Variants in ARHGAP24 observed in about 807,000 individuals in gnomAD.
ARHGAP24 encodes the protein rho GTPase-activating protein 24.
In ARHGAP24, 50 loss-of-function variants were observed where a neutral mutation model predicts 76.4. The ratio of observed to expected loss-of-function variants is 0.65; its 90% CI spans 0.52 to 0.83. ARHGAP24 has a LOEUF of 0.83. ARHGAP24 is among the 40% of genes least tolerant of loss of function. The pLI is 0.00. For missense variants in ARHGAP24, 930 were observed against 914.2 expected, an observed-to-expected ratio of 1.02 and a Z score of -0.22; for synonymous variants, 345 against 323.3, an observed-to-expected ratio of 1.07 and a Z score of -0.72.
At chr4:85,940,153 T>A (rs138169719) in intron 4 of ARHGAP24, among the ~76,000 whole-genome samples, 35 of 152,206 alleles carry the variant, frequency 2.3e-4, no homozygotes, top group African/African-American at 7.0e-4. Context: ...GTTACTACCA[T>A]TGAATGGATT....
chr4:85,580,597 G>A (rs1489293335), intron 2 of ARHGAP24, among the ~76,000 whole-genome samples: 1 of 152,008 alleles, frequency 6.6e-6, no homozygotes, highest in South Asian at 2.1e-4. Flanking sequence ...TTTGCTCTAC[G>A]AACTTTTTCC....
At chr4:85,764,740 C>T (rs946098332) in intron 3 of ARHGAP24, among the ~76,000 whole-genome samples, 3 of 152,052 alleles carry the variant, frequency 2.0e-5, no homozygotes, top group African/African-American at 7.2e-5. Flanking sequence ...TCTGAATGCT[C>T]ACAAGGAAAG....
chr4:85,979,627 A>G (rs1225633466), intron 8 of ARHGAP24, among the ~76,000 whole-genome samples: 1 of 152,168 alleles, frequency 6.6e-6, no homozygotes, highest in South Asian at 2.1e-4. Flanking sequence ...AGGTTCATCC[A>G]TGTGGCAATA....
At chr4:85,815,584 G>C (rs1445209607) in intron 3 of ARHGAP24, among the ~76,000 whole-genome samples, 1 of 152,144 alleles carries the variant, frequency 6.6e-6, no homozygotes, top group Non-Finnish European at 1.5e-5. Flanking sequence ...TTCCATCTGA[G>C]ACCACCTCAG....
intron 2 of ARHGAP24, among the ~76,000 whole-genome samples, chr4:85,618,824 ATTTG>A (rs570773358): frequency 2.7e-3 from 406 of 151,974 alleles, no homozygotes; most frequent in African/African-American, 9.0e-3. Context: ...TAATTGAGTA[ATTTG>A]TTTTCTTTCT....
chr4:85,679,373 G>A (rs1688338079), intron 2 of ARHGAP24, among the ~76,000 whole-genome samples: 1 of 152,166 alleles, frequency 6.6e-6, no homozygotes, highest in Non-Finnish European at 1.5e-5. Flanking sequence ...CAGATTTGCA[G>A]GGCTACTTCT....
chr4:85,546,111 G>A (rs1338915290), intron 1 of ARHGAP24, among the ~76,000 whole-genome samples: 2 of 151,892 alleles, frequency 1.3e-5, no homozygotes, highest in Non-Finnish European at 2.9e-5. Flanking sequence ...TACTTCATAG[G>A]GTTATTATGA....
intron 1 of ARHGAP24, among the ~76,000 whole-genome samples, chr4:85,505,975 A>G (rs925188802): frequency 3.9e-5 from 6 of 152,210 alleles, no homozygotes; most frequent in African/African-American, 1.4e-4. Context: ...TCTAGCAGTC[A>G]GGTCCCTCAG....
intron 2 of ARHGAP24, among the ~76,000 whole-genome samples, chr4:85,642,177 A>G (rs1200405602): frequency 6.6e-6 from 1 of 152,162 alleles, no homozygotes; most frequent in Non-Finnish European, 1.5e-5. Context: ...CCTTGGAAAG[A>G]AAAAGAGCAG....
intron 5 of ARHGAP24, among the ~76,000 whole-genome samples, chr4:85,947,320 G>T (rs543095204): frequency 1.3e-5 from 2 of 152,122 alleles, no homozygotes; most frequent in African/African-American, 2.4e-5. Context: ...TTGCTGTGTA[G>T]AAGTTCTCTA....
chr4:85,809,866 A>T (rs1728938921), intron 3 of ARHGAP24, among the ~76,000 whole-genome samples: 1 of 152,202 alleles, frequency 6.6e-6, no homozygotes, highest in African/African-American at 2.4e-5. Context: ...GCTAGCATGG[A>T]AATATAAACT....
chr4:85,920,873 T>C (rs1325844193), intron 3 of ARHGAP24, among the ~76,000 whole-genome samples: 1 of 151,664 alleles, frequency 6.6e-6, no homozygotes, highest in Non-Finnish European at 1.5e-5. Flanking sequence ...CAAAAAATAA[T>C]AATAACAAAT....
At chr4:85,640,540 C>T (rs1364694726) in intron 2 of ARHGAP24, among the ~76,000 whole-genome samples, 2 of 152,128 alleles carry the variant, frequency 1.3e-5, no homozygotes, top group Admixed American at 1.3e-4. Flanking sequence ...TTAATATTGA[C>T]TATAAGAATT....
chr4:85,859,775 C>T (rs1731785437), intron 3 of ARHGAP24, among the ~76,000 whole-genome samples: 1 of 152,018 alleles, frequency 6.6e-6, no homozygotes, highest in African/African-American at 2.4e-5. Context: ...GAGCCTAAGC[C>T]TACTAATGAG....
intron 3 of ARHGAP24, among the ~76,000 whole-genome samples, chr4:85,913,101 T>C (rs1735176159): frequency 6.6e-6 from 1 of 152,116 alleles, no homozygotes; most frequent in African/African-American, 2.4e-5. Context: ...TATTTCTCAT[T>C]TTAAACCTCC....
intron 3 of ARHGAP24, among the ~76,000 whole-genome samples, chr4:85,878,396 G>C (rs1211683985): frequency 6.6e-6 from 1 of 152,126 alleles, no homozygotes; most frequent in African/African-American, 2.4e-5. Context: ...GTTCACATTT[G>C]TGTATACTAT....
At chr4:85,642,568 C>CT (rs1406983144) in intron 2 of ARHGAP24, among the ~76,000 whole-genome samples, 1 of 126,304 alleles carries the variant, frequency 7.9e-6, no homozygotes, top group East Asian at 5.8e-4. Flanking sequence ...ACGCTTGACT[C>CT]TTCTTTCTCT....
chr4:85,858,104 T>C (rs1233245805), intron 3 of ARHGAP24, among the ~76,000 whole-genome samples: 2 of 152,170 alleles, frequency 1.3e-5, no homozygotes, highest in African/African-American at 4.8e-5. Flanking sequence ...GTAGAATAAA[T>C]ACAATGGACA....
chr4:85,816,195 C>T (rs563241592), intron 3 of ARHGAP24, among the ~76,000 whole-genome samples: 1 of 152,308 alleles, frequency 6.6e-6, no homozygotes, highest in Admixed American at 6.5e-5. Flanking sequence ...TAGCACACTT[C>T]AAGTACACAC....
Sources: gnomAD v4.1 joint callset for allele counts (sites outside exome capture counted in the v4.1 genomes callset) on GRCh38, gnomAD v4.1.1 for gene constraint, MANE v1.5 for transcripts, NCBI Gene and HGNC (gene_info 2026-07-23, HGNC 2026-07-21) for gene names.